Variants in SYT9 observed in about 807,000 individuals in gnomAD.
SYT9 encodes the protein synaptotagmin 9, also known as synaptotagmin-9.
A neutral mutation model predicts 48.4 loss-of-function variants in SYT9; 22 were observed. That is an observed-to-expected ratio of 0.45 (90% CI 0.32 to 0.65). The LOEUF (loss-of-function observed/expected upper bound fraction) is 0.65, where lower values mean the gene tolerates loss of function less well. Ranked by LOEUF, SYT9 falls within the 30% of genes least tolerant of loss-of-function variation. The pLI is 0.03. For synonymous variants in SYT9, 265 were observed against 245.0 expected, an observed-to-expected ratio of 1.08 and a Z score of -0.76; for missense variants, 577 against 622.0, an observed-to-expected ratio of 0.93 and a Z score of 0.77.
At chr11:7,428,069 G>A (rs892986232) in intron 6 of SYT9, 26 of 152,230 alleles carry the variant, frequency 1.7e-4, no homozygotes, top group African/African-American at 5.5e-4. Context: ...AGAGAGAGAC[G>A]GTAGGCATTT....
At chr11:7,466,582 G>C (rs767957409) in intron 6 of SYT9, among the ~76,000 whole-genome samples, 1 of 152,040 alleles carries the variant, frequency 6.6e-6, no homozygotes, top group Non-Finnish European at 1.5e-5. Context: ...TTAGCCAGGT[G>C]TGGCGGCGGG....
At chr11:7,366,006 A>G (rs902428647) in intron 3 of SYT9, among the ~76,000 whole-genome samples, 1 of 152,110 alleles carries the variant, frequency 6.6e-6, no homozygotes, top group Admixed American at 6.5e-5. Context: ...AGAAAGTCCT[A>G]CTTGCTTTGG....
chr11:7,277,002 C>T (rs1427064050), intron 1 of SYT9, among the ~76,000 whole-genome samples: 3 of 151,976 alleles, frequency 2.0e-5, no homozygotes, highest in South Asian at 2.1e-4. Flanking sequence ...TGCAGTGAGC[C>T]GAGATCGCGC....
At chr11:7,258,808 G>T (rs148126929) in intron 1 of SYT9, among the ~76,000 whole-genome samples, 7 of 152,130 alleles carry the variant, frequency 4.6e-5, no homozygotes, top group African/African-American at 1.7e-4. Flanking sequence ...TTCAGCCGTG[G>T]TCCACAAACA....
At chr11:7,244,747 G>A (rs1031255956) in intron 1 of SYT9, among the ~76,000 whole-genome samples, 1 of 152,160 alleles carries the variant, frequency 6.6e-6, no homozygotes, top group Non-Finnish European at 1.5e-5. Context: ...AGAAAGTTTT[G>A]CTGTTAAGAA....
rs1273786566 is a variant in SYT9, at chr11:7,313,446, C to G, written c.549C>G (p.Ile183Met). 7 of 1,613,880 alleles carry G rather than the reference C, an allele frequency of 4.3e-6. No individual in the cohort carries two copies. Among genetic ancestry groups the G allele is most frequent in the Non-Finnish European group, 5.9e-6 (7 of 1,179,914 alleles). The change falls in exon 3 of 7, where the codon ATC (isoleucine) becomes ATG (methionine). Residue 183 changes from isoleucine to methionine, a missense_variant. Coordinates refer to ENST00000318881, the MANE Select transcript of SYT9 (RefSeq NM_175733.4). ...ACTTGTCAAACCCGGACTTCAATAT[C>G]CAGCAGCTTCAAAAACAGGAACAGT... The part of the protein sequence containing the change: ...QLNLSNPDFN[I>M]QQLQKQEQLT...
chr11:7,388,808 G>A (rs181044890), intron 3 of SYT9, among the ~76,000 whole-genome samples: 12 of 152,098 alleles, frequency 7.9e-5, no homozygotes, highest in Admixed American at 3.9e-4. Flanking sequence ...GTTTAATTGC[G>A]TTATGATCAT....
At chr11:7,451,470 T>A (rs1439210442) in intron 6 of SYT9, among the ~76,000 whole-genome samples, 1 of 152,236 alleles carries the variant, frequency 6.6e-6, no homozygotes, top group Non-Finnish European at 1.5e-5. Context: ...CTTATGCAGC[T>A]TTTCTTCTCC....
intron 3 of SYT9, among the ~76,000 whole-genome samples, chr11:7,393,960 CTT>C (rs71059105): frequency 0.056 from 8,085 of 145,212 alleles, 372 homozygotes; most frequent in African/African-American, 0.12. Flanking sequence ...ATTTCTTTTT[CTT>C]TTTTTTTTTT....
At chr11:7,243,399 C>G (rs1341529030) in intron 1 of SYT9, among the ~76,000 whole-genome samples, 1 of 152,224 alleles carries the variant, frequency 6.6e-6, no homozygotes, top group Non-Finnish European at 1.5e-5. Context: ...AGGGCTGAGA[C>G]AAACGTATGG....
intron 6 of SYT9, among the ~76,000 whole-genome samples, chr11:7,455,292 A>G (rs890316226): frequency 2.7e-5 from 4 of 150,874 alleles, no homozygotes; most frequent in Non-Finnish European, 4.4e-5. Context: ...TATTCAACCT[A>G]TTAGATGTGT....
chr11:7,335,347 T>C (rs1849614975), intron 3 of SYT9, among the ~76,000 whole-genome samples: 1 of 152,190 alleles, frequency 6.6e-6, no homozygotes, highest in Non-Finnish European at 1.5e-5. Context: ...TAGTGGTACA[T>C]CTGTAGGTTT....
At position 7,463,033 on chromosome 11, in the gene SYT9, C is replaced by T. The variant is rs144107927; in HGVS notation, c.1468-3759C>T. ...CAAATTAGATCCTTATGTCTCAGGA[C>T]AATTGAATTCACTTACAATCTTCTC... On this transcript the variant is annotated intron_variant, in intron 6 of 6. Coordinates refer to ENST00000318881, the MANE Select transcript of SYT9 (RefSeq NM_175733.4). Among the ~76,000 whole-genome samples, 163 of 152,320 alleles carry T rather than the reference C, an allele frequency of 1.1e-3. 2 individuals carry two copies. Among genetic ancestry groups the T allele is most frequent in the African/African-American group, 3.7e-3 (153 of 41,562 alleles).
At chr11:7,445,944 C>T (rs1427260101) in intron 6 of SYT9, among the ~76,000 whole-genome samples, 3 of 152,210 alleles carry the variant, frequency 2.0e-5, no homozygotes, top group Admixed American at 1.3e-4. Context: ...CTACTGTACA[C>T]GGTACGTGGC....
intron 3 of SYT9, among the ~76,000 whole-genome samples, chr11:7,321,121 C>A (rs118012140): frequency 6.6e-6 from 1 of 152,130 alleles, no homozygotes; most frequent in African/African-American, 2.4e-5. Context: ...GGAGAAGATG[C>A]CACAGTTCTC....
At chr11:7,410,657 A>G (rs1847119442) in intron 3 of SYT9, among the ~76,000 whole-genome samples, 1 of 152,148 alleles carries the variant, frequency 6.6e-6, no homozygotes, top group Non-Finnish European at 1.5e-5. Context: ...GATCTGATCT[A>G]AGTATAGCTA....
At chr11:7,311,934 T>TC (rs1386779547) in intron 2 of SYT9, among the ~76,000 whole-genome samples, 1 of 143,142 alleles carries the variant, frequency 7.0e-6, no homozygotes, top group Non-Finnish European at 1.5e-5. Flanking sequence ...CTGCCTTCCC[T>TC]CCCCCGCCCA....
At chr11:7,394,946 A>C (rs1846719354) in intron 3 of SYT9, among the ~76,000 whole-genome samples, 1 of 152,168 alleles carries the variant, frequency 6.6e-6, no homozygotes, top group Admixed American at 6.6e-5. Flanking sequence ...AAAGACATTC[A>C]GGAGCAAGTT....
chr11:7,383,548 G>T (rs1237044947), intron 3 of SYT9, among the ~76,000 whole-genome samples: 1 of 152,176 alleles, frequency 6.6e-6, no homozygotes, highest in Non-Finnish European at 1.5e-5. Context: ...GCAGTCACTG[G>T]GGAGAGGTGG....
Sources: allele counts gnomAD v4.1 joint callset (sites outside exome capture counted in the v4.1 genomes callset), GRCh38; gene constraint gnomAD v4.1.1; transcripts MANE v1.5; gene names NCBI Gene and HGNC (gene_info 2026-07-23, HGNC 2026-07-21).